The following CHIC1 variants were observed in gnomAD, a reference collection of about 807,000 sequenced individuals.
The protein encoded by CHIC1 is cysteine-rich hydrophobic domain-containing protein 1.
In CHIC1, 7 loss-of-function variants were observed where a neutral mutation model predicts 18.5. The observed-to-expected ratio is 0.38, with a 90% CI of 0.22 to 0.71. The LOEUF (loss-of-function observed/expected upper bound fraction) is 0.71, where lower values mean the gene tolerates loss of function less well. CHIC1 is among the 30% of genes least tolerant of loss of function. CHIC1 has a pLI of 0.49. For synonymous variants in CHIC1, 77 were observed against 73.5 expected (o/e 1.05, Z -0.25); for missense variants, 159 against 176.9 (o/e 0.90, Z 0.57).
At chrX:73,575,690 G>T (rs1196381928) in intron 1 of CHIC1, among the ~76,000 whole-genome samples, 1 of 108,108 alleles carries the variant, frequency 9.3e-6, no homozygotes, top group Non-Finnish European at 1.9e-5. Flanking sequence ...AAGTTGCTCT[G>T]TGTGAGTGAG....
chrX:73,615,748 G>A (rs150434151), intron 3 of CHIC1, among the ~76,000 whole-genome samples: 73 of 111,322 alleles, frequency 6.6e-4, no homozygotes, highest in African/African-American at 2.2e-3. Flanking sequence ...GGTACACAGC[G>A]GCAGGGTCAT....
chrX:73,658,931 C>G (rs994441986), intron 3 of CHIC1, among the ~76,000 whole-genome samples: 1 of 111,942 alleles, frequency 8.9e-6, no homozygotes, highest in Non-Finnish European at 1.9e-5. Context: ...TATGCAGACA[C>G]AGGTTTTTTG....
At chrX:73,674,860 T>C (rs1169818946) in intron 3 of CHIC1, among the ~76,000 whole-genome samples, 1 of 111,793 alleles carries the variant, frequency 8.9e-6, no homozygotes, top group African/African-American at 3.2e-5. Flanking sequence ...CTGCTTTCTC[T>C]TGTGGGCATT....
At chrX:73,672,168 T>C (rs994016738) in intron 3 of CHIC1, among the ~76,000 whole-genome samples, 1 of 112,074 alleles carries the variant, frequency 8.9e-6, no homozygotes, top group Admixed American at 9.5e-5. Context: ...CAGTCTATTG[T>C]TGTTGGACAT....
chrX:73,668,310 C>T (rs1199682300), intron 3 of CHIC1, among the ~76,000 whole-genome samples: 1 of 111,843 alleles, frequency 8.9e-6, no homozygotes, highest in African/African-American at 3.3e-5. Context: ...CAACATGCTC[C>T]TTTAGCTCAG....
intron 1 of CHIC1, 64 bp from the exon 2 acceptor site, chrX:73,577,343 T>TA (rs1394870561): frequency 1.1e-4 from 97 of 887,644 alleles, no homozygotes; most frequent in South Asian, 1.4e-4. Context: ...AACTTTTTTT[T>TA]AAAAAAAAGG....
chrX:73,668,899 C>T (rs2058017072), intron 3 of CHIC1, among the ~76,000 whole-genome samples: 1 of 112,538 alleles, frequency 8.9e-6, no homozygotes, highest in African/African-American at 3.2e-5. Flanking sequence ...TCCCTTCAGC[C>T]CCCGATCAGT....
intron 3 of CHIC1, among the ~76,000 whole-genome samples, chrX:73,661,441 C>T (rs2057979655): frequency 8.9e-6 from 1 of 111,828 alleles, no homozygotes; most frequent in African/African-American, 3.3e-5. Context: ...TAGCTAGTCT[C>T]TGGGTAAGTT....
At chrX:73,642,613 GTA>G (rs1259841522) in intron 3 of CHIC1, among the ~76,000 whole-genome samples, 87 of 107,366 alleles carry the variant, frequency 8.1e-4, no homozygotes, top group African/African-American at 2.8e-3. Flanking sequence ...GTCCTGAATG[GTA>G]ATGCCTAGGT....
chrX:73,673,356 G>C (rs751816809), intron 3 of CHIC1, among the ~76,000 whole-genome samples: 1 of 111,631 alleles, frequency 9.0e-6, no homozygotes. Flanking sequence ...CCATTTTCAC[G>C]ATACTGATTC....
At chrX:73,677,396 C>G (rs756456522) in intron 3 of CHIC1, among the ~76,000 whole-genome samples, 4 of 111,995 alleles carry the variant, frequency 3.6e-5, no homozygotes, top group African/African-American at 1.3e-4. Context: ...TCAAGCTTCC[C>G]GGCTGCTTTG....
chrX:73,674,716 T>C (rs1208048691), intron 3 of CHIC1, among the ~76,000 whole-genome samples: 1 of 111,893 alleles, frequency 8.9e-6, no homozygotes, highest in African/African-American at 3.3e-5. Flanking sequence ...TTGAAGGGTT[T>C]TTTGTGTCTC....
chrX:73,595,011 C>T (rs2057600183), intron 3 of CHIC1, among the ~76,000 whole-genome samples: 1 of 111,522 alleles, frequency 9.0e-6, no homozygotes, highest in Non-Finnish European at 1.9e-5. Flanking sequence ...TTGATGGACA[C>T]TTGAGTTGTT....
At chrX:73,614,431 GT>G (rs1411430177) in intron 3 of CHIC1, among the ~76,000 whole-genome samples, 1 of 111,151 alleles carries the variant, frequency 9.0e-6, no homozygotes, top group African/African-American at 3.3e-5. Flanking sequence ...AACTTAGGAT[GT>G]TTTCAGCTAT....
intron 1 of CHIC1, among the ~76,000 whole-genome samples, chrX:73,575,703 A>T (rs753858430): frequency 1.8e-5 from 2 of 110,363 alleles, no homozygotes; most frequent in East Asian, 5.7e-4. Flanking sequence ...TGAGTGAGTG[A>T]GTGAGTGAGT....
At chrX:73,635,193 C>T (rs1040671075) in intron 3 of CHIC1, among the ~76,000 whole-genome samples, 2 of 111,841 alleles carry the variant, frequency 1.8e-5, no homozygotes, top group Non-Finnish European at 3.8e-5. Context: ...CACTGGCTTT[C>T]ATATGATGAA....
At chrX:73,631,021 C>T in intron 3 of CHIC1, among the ~76,000 whole-genome samples, 1 of 111,183 alleles carries the variant, frequency 9.0e-6, no homozygotes, top group South Asian at 3.8e-4. Context: ...CTAGGCTATC[C>T]AGTTTGTTGA....
chrX:73,641,539 T>C (rs1238003335), intron 3 of CHIC1, among the ~76,000 whole-genome samples: 1 of 111,071 alleles, frequency 9.0e-6, no homozygotes, highest in Non-Finnish European at 1.9e-5. Flanking sequence ...TATTATACTT[T>C]AAGTTTTAGG....
intron 3 of CHIC1, among the ~76,000 whole-genome samples, chrX:73,618,147 C>T (rs898428162): frequency 6.3e-5 from 7 of 111,591 alleles, no homozygotes; most frequent in African/African-American, 2.0e-4. Context: ...CAGGTCTCTC[C>T]GCCATGGATA....
Sources: gnomAD v4.1 joint callset for allele counts (sites outside exome capture counted in the v4.1 genomes callset) on GRCh38, gnomAD v4.1.1 for gene constraint, MANE v1.5 for transcripts, NCBI Gene and HGNC (gene_info 2026-07-23, HGNC 2026-07-21) for gene names.